Variants in BORA observed in about 807,000 individuals in gnomAD.
BORA encodes the protein protein aurora borealis.
A neutral mutation model predicts 55.8 loss-of-function variants in BORA; 26 were observed. That is an observed-to-expected ratio of 0.47 (90% CI 0.34 to 0.65). The LOEUF is 0.65. BORA is among the 30% of genes least tolerant of loss of function. BORA has a pLI of 0.01. For synonymous variants in BORA, 201 were observed against 216.9 expected (o/e 0.93, Z 0.64); for missense variants, 568 against 671.5 (o/e 0.85, Z 1.70).
At chr13:72,747,874 G>C (rs1483384396) in intron 10 of BORA, among the ~76,000 whole-genome samples, 2 of 152,006 alleles carry the variant, frequency 1.3e-5, no homozygotes, top group South Asian at 4.1e-4. Context: ...TTTTCTTTTA[G>C]AAACATGATT....
intron 1 of BORA, 139 bp downstream of exon 1, chr13:72,728,146 C>G (rs1348707107): frequency 8.2e-7 from 1 of 1,219,628 alleles, no homozygotes; most frequent in Non-Finnish European, 1.2e-6. Flanking sequence ...AGAGGGGCAC[C>G]AGAAAGAGTG....
chr13:72,735,189 A>G (rs1566220302), intron 4 of BORA, among the ~76,000 whole-genome samples, 184 bp downstream of exon 4: 1 of 152,304 alleles, frequency 6.6e-6, no homozygotes, highest in Admixed American at 6.5e-5. Flanking sequence ...CAGCTATCCC[A>G]GTACCTTGCA....
At chr13:72,739,182 G>C (rs971835796) in intron 5 of BORA, among the ~76,000 whole-genome samples, 1 of 152,144 alleles carries the variant, frequency 6.6e-6, no homozygotes, top group Non-Finnish European at 1.5e-5. Context: ...CATTCTCATA[G>C]ATACTAGTTT....
chr13:72,749,326 G>T (rs1325209546), intron 10 of BORA, among the ~76,000 whole-genome samples: 2 of 152,056 alleles, frequency 1.3e-5, no homozygotes, highest in Non-Finnish European at 2.9e-5. Flanking sequence ...TGAAATTTCA[G>T]TGATGTCCTT....
At chr13:72,751,499 A>T (rs551699096) in intron 10 of BORA, among the ~76,000 whole-genome samples, 1 of 152,352 alleles carries the variant, frequency 6.6e-6, no homozygotes, top group Non-Finnish European at 1.5e-5. Context: ...AGGCACAGAA[A>T]GATAAATACC....
intron 6 of BORA, among the ~76,000 whole-genome samples, chr13:72,744,052 A>G (rs1408978917): frequency 6.6e-6 from 1 of 152,152 alleles, no homozygotes; most frequent in Non-Finnish European, 1.5e-5. Flanking sequence ...GGATTTTTTC[A>G]ATGAGCTACA....
In BORA at chr13:72,747,080, G is replaced by C. The variant is rs183222156; in HGVS notation, c.1451G>C (p.Ser484Thr). 3.7e-6 allele frequency: 6 copies of C among 1,613,880 alleles called. No homozygotes were observed. The highest frequency in any genetic ancestry group is 5.1e-6 in the Non-Finnish European group (6 of 1,179,934). Residue 484 changes from serine (S) to threonine (T), a missense_variant, in exon 10 of 12, where the codon AGT becomes ACT. Physicochemically the swap from Ser to Thr is moderately conservative, Grantham distance 58. Coordinates refer to ENST00000390667, the MANE Select transcript of BORA (RefSeq NM_024808.5). ...TGCATGTCACCTCTTGCTGAAAGCAGTGTCATTCCTTGTGAAAGCAGTAAC... is the reference window on the plus strand; with the variant it reads ...TGCATGTCACCTCTTGCTGAAAGCACTGTCATTCCTTGTGAAAGCAGTAAC... ...HMCMSPLAESSVIPCESSNIQ... is the reference protein window; with the variant it reads ...HMCMSPLAESTVIPCESSNIQ...
chr13:72,731,069 A>T (rs913633019), intron 2 of BORA, among the ~76,000 whole-genome samples: 2 of 152,130 alleles, frequency 1.3e-5, no homozygotes, highest in African/African-American at 4.8e-5. Context: ...CTCTGTCTTA[A>T]ACAAAGAGAG....
Position 72,755,860 on chromosome 13 carries a change from G to A in BORA, c.*644G>A, listed in dbSNP as rs1333584292. 7.5e-6 allele frequency: 3 copies of A among 398,404 alleles called. No homozygotes were observed. Among genetic ancestry groups the A allele is most frequent in the African/African-American group, 2.1e-5 (1 of 48,590 alleles). 24.7% of individuals were successfully genotyped at this position (398,404 alleles called of 1,614,324 possible). ...ATTGTTATCTATGGGGCAAATGTGT[G>A]GTGCCCAGAATAAAATATACCTCAT... On this transcript the variant is annotated 3_prime_UTR_variant, in exon 12 of 12. Coordinates refer to ENST00000390667, the MANE Select transcript of BORA (RefSeq NM_024808.5).
chr13:72,742,527 CT>C (rs1258561187), intron 5 of BORA, among the ~76,000 whole-genome samples: 1 of 151,672 alleles, frequency 6.6e-6, no homozygotes, highest in Admixed American at 6.6e-5. Context: ...TATCCCTAAC[CT>C]TTTAAGGTTG....
chr13:72,743,544 CATAA>C lies in BORA; in HGVS notation c.400_403del (p.Asn134ValfsTer9). 1.2e-6 allele frequency: 2 copies of C among 1,608,798 alleles called. No homozygotes were observed. Among genetic ancestry groups the C allele is most frequent in the Non-Finnish European group, 1.7e-6 (2 of 1,176,370 alleles). ...ACTTAAAATGTCTTACAGGCACTAA[CATAA>C]ATAGTGACTCTCCAGTTGGAAAAAA... On this transcript the variant is annotated frameshift_variant, in exon 6 of 12. Coordinates refer to ENST00000390667, the MANE Select transcript of BORA (RefSeq NM_024808.5). LOFTEE classifies it high-confidence loss of function.
intron 6 of BORA, among the ~76,000 whole-genome samples, chr13:72,744,197 T>C (rs2033094619): frequency 6.6e-6 from 1 of 152,232 alleles, no homozygotes; most frequent in Non-Finnish European, 1.5e-5. Context: ...TTGGAAAGCA[T>C]TCTTTTGAAA....
Position 72,728,089 on chromosome 13 carries a change from C to G in BORA, c.-16+82C>G, listed in dbSNP as rs572833969. 4 of 1,527,452 alleles carry G rather than the reference C, an allele frequency of 2.6e-6. No homozygotes were observed. In the Admixed American group the frequency reaches 5.9e-5, roughly 22 times the overall value. The allele number at this position is 1,527,452 out of a possible 1,614,324, so 94.6% of individuals were successfully genotyped here. On this transcript the variant is annotated intron_variant, in intron 1 of 11. Coordinates refer to ENST00000390667, the MANE Select transcript of BORA (RefSeq NM_024808.5). ...TTTTCCCAGCTCCTGACTTGCCTGC[C>G]CGCTCGCCCCTGGTGAATGGGAGCA...
chr13:72,740,030 CAGGT>C (rs2033005648), intron 5 of BORA, among the ~76,000 whole-genome samples: 1 of 151,540 alleles, frequency 6.6e-6, no homozygotes, highest in Admixed American at 6.6e-5. Flanking sequence ...GGGGGTCAGT[CAGGT>C]AGGCCATATG....
chr13:72,739,519 T>C lies in BORA; in HGVS notation c.388+1476T>C, dbSNP rs956204506. On this transcript the variant is annotated intron_variant, in intron 5 of 11. Coordinates refer to ENST00000390667, the MANE Select transcript of BORA (RefSeq NM_024808.5). ...CAAACTATCTTTTCTAGGGTGTTTG[T>C]CTTGGAAGGTAGAGATAGTGTGTCC... Among the ~76,000 whole-genome samples the C allele has an allele frequency of 5.9e-5, 9 of 152,294 alleles. No homozygotes were observed. The East Asian group carries it at 1.2e-3, about 20-fold the overall frequency.
In BORA at chr13:72,746,483, TCCC is replaced by T; in HGVS notation, c.872-17_872-15del. The T allele has an allele frequency of 2.5e-6, 4 of 1,575,776 alleles. No individual in the cohort carries two copies. Among genetic ancestry groups the T allele is most frequent in the Admixed American group, 1.9e-5 (1 of 52,732 alleles). On this transcript the variant is annotated splice_polypyrimidine_tract_variant and intron_variant, in intron 9 of 11. Transcript: ENST00000390667. ...CATGTTTTTATGATGTGATTTTTTT[TCCC>T]TTCCCACCTTTCAGAACAAAGGAAG...
rs1267672871 is a variant in BORA, at chr13:72,755,636, A to T, written c.*420A>T. ...AAAAGCTTGAACATACAGATGAATT[A>T]TAACCTATGTGAAGAAATCTTAGAT... On this transcript the variant is annotated 3_prime_UTR_variant, in exon 12 of 12. Transcript: ENST00000390667. 1 of 372,850 alleles carries T rather than the reference A, an allele frequency of 2.7e-6. No homozygotes were observed. The allele number at this position is 372,850 out of a possible 1,614,324, so 23.1% of individuals were successfully genotyped here.
intron 10 of BORA, 181 bp from the exon 11 acceptor site, chr13:72,753,509 C>T (rs1359721453): frequency 3.8e-6 from 2 of 524,968 alleles, no homozygotes; most frequent in East Asian, 3.2e-5. Context: ...CTACAATAAT[C>T]AGTACTATGC....
At chr13:72,734,345 T>A (rs571038872) in intron 3 of BORA, among the ~76,000 whole-genome samples, 28 of 152,194 alleles carry the variant, frequency 1.8e-4, no homozygotes, top group Non-Finnish European at 3.8e-4. Flanking sequence ...TTGGCAAGTA[T>A]ATGCTTTGTG....
Sources: allele counts gnomAD v4.1 joint callset (sites outside exome capture counted in the v4.1 genomes callset), GRCh38; gene constraint gnomAD v4.1.1; transcripts MANE v1.5; gene names NCBI Gene and HGNC (gene_info 2026-07-23, HGNC 2026-07-21).